FBN1: variants seen among roughly 807,000 people sequenced by gnomAD.
FBN1 encodes fibrillin 1, also known as fibrillin-1.
A neutral mutation model predicts 365.1 loss-of-function variants in FBN1; 29 were observed. The observed-to-expected ratio is 0.08, with a 90% CI of 0.06 to 0.11. The LOEUF is 0.11. FBN1 is among the 10% of genes least tolerant of loss of function. FBN1 has a pLI of 1.00. For missense variants in FBN1, 2,476 were observed against 3,703.2 expected, an observed-to-expected ratio of 0.67 and a Z score of 8.60; for synonymous variants, 1,210 against 1,270.5, an observed-to-expected ratio of 0.95 and a Z score of 1.01.
chr15:48,412,207 T>C (rs2042869128), intron 65 of FBN1, among the ~76,000 whole-genome samples: 1 of 152,228 alleles, frequency 6.6e-6, no homozygotes, highest in Admixed American at 6.5e-5. Flanking sequence ...CCTCTAGCTT[T>C]CAGAACTTGG....
chr15:48,513,531 C>T lies in FBN1; in HGVS notation c.1588+18G>A. The T allele has an allele frequency of 6.2e-7, 1 of 1,613,904 alleles. No homozygotes were observed. The highest frequency in any genetic ancestry group is 8.5e-7 in the Non-Finnish European group (1 of 1,179,846). Reference sequence around the variant, plus strand: ...AGCATATATGTCCCACATTCCACGTCAGGAGCCAGGACCATACCTCGGCAT... The same window carrying T: ...AGCATATATGTCCCACATTCCACGTTAGGAGCCAGGACCATACCTCGGCAT... On this transcript the variant is annotated intron_variant, in intron 13 of 65. Transcript: ENST00000316623.
intron 4 of FBN1, among the ~76,000 whole-genome samples, chr15:48,600,485 C>A (rs948355572): frequency 2.0e-5 from 3 of 152,202 alleles, no homozygotes; most frequent in African/African-American, 7.2e-5. Context: ...AGGCGGATCA[C>A]CTGAGGTCAG....
At chr15:48,599,991 T>A in intron 5 of FBN1, 148 bp downstream of exon 5, 1 of 656,946 alleles carries the variant, frequency 1.5e-6, no homozygotes, top group Non-Finnish European at 2.7e-6. Flanking sequence ...TTTGAGTAAG[T>A]GATTTGTTCA....
intron 2 of FBN1, among the ~76,000 whole-genome samples, chr15:48,631,205 C>A (rs1011116035): frequency 6.6e-6 from 1 of 151,970 alleles, no homozygotes. Flanking sequence ...TTTTCAATTT[C>A]TCAAGAGAAA....
rs548526744 is a variant in FBN1 at position 48,596,894 on chromosome 15, C to T, written c.443-516G>A. Among the ~76,000 whole-genome samples, 15 of 152,302 alleles carry T rather than the reference C, an allele frequency of 9.8e-5. No homozygotes were observed. The South Asian group carries it at 1.9e-3, about 19-fold the overall frequency. On this transcript the variant is annotated intron_variant, in intron 5 of 65. Transcript: ENST00000316623. ...CAATTGAGAGTTATAACAGAACTTA[C>T]GGAAACTATTGGTGCAGTAAATCTA...
intron 8 of FBN1, among the ~76,000 whole-genome samples, chr15:48,528,527 T>A (rs1350040859): frequency 1.3e-5 from 2 of 152,110 alleles, no homozygotes; most frequent in Admixed American, 1.3e-4. Flanking sequence ...AAAACTGACA[T>A]GAATCAAACC....
chr15:48,487,553 G>C (rs1478395233), intron 27 of FBN1, 116 bp from the exon 28 acceptor site: 1 of 1,414,970 alleles, frequency 7.1e-7, no homozygotes, highest in East Asian at 2.3e-5. Context: ...CTCAAGGTGG[G>C]ACAACTCTCT....
chr15:48,436,905 T>C (rs533695610), intron 53 of FBN1, 56 bp downstream of exon 53: 18 of 1,089,726 alleles, frequency 1.7e-5, no homozygotes, highest in African/African-American at 6.2e-5. Flanking sequence ...CAGTGAATAC[T>C]GTATAGCTTA....
At chr15:48,449,461 G>A (rs1043063630) in intron 45 of FBN1, among the ~76,000 whole-genome samples, 2 of 152,134 alleles carry the variant, frequency 1.3e-5, no homozygotes, top group African/African-American at 4.8e-5. Context: ...TTTAGCATGT[G>A]ACAACCTGAA....
Position 48,412,671 on chromosome 15 carries a change from A to G in FBN1, c.8124T>C (p.Asn2708=). ...CGTAACAAGCCTCTGGGGAGAGTGA[A>G]TTGTCATCCATTTCACCACTGACAG... ...EPPVSGEMDD[N]SLSPEACYEC... is the part of the protein sequence containing the mutation. Residue 2708 remains asparagine (N), a synonymous_variant, in exon 65 of 66, where the codon AAT becomes AAC. Transcript: ENST00000316623. 1 of 1,614,222 alleles carries G rather than the reference A, an allele frequency of 6.2e-7. No homozygotes were observed. The highest frequency in any genetic ancestry group is 1.1e-5 in the South Asian group (1 of 91,090).
intron 63 of FBN1, among the ~76,000 whole-genome samples, chr15:48,416,443 G>A (rs560257466): frequency 9.2e-5 from 14 of 152,028 alleles, no homozygotes; most frequent in Non-Finnish European, 1.8e-4. Context: ...TCACCGAATC[G>A]GCCCCCTCCT....
At chr15:48,621,911 TGGTGTG>T in intron 2 of FBN1, among the ~76,000 whole-genome samples, 1 of 149,826 alleles carries the variant, frequency 6.7e-6, no homozygotes, top group Non-Finnish European at 1.5e-5. Flanking sequence ...GGCAGGAGAA[TGGTGTG>T]AACCTGGGAG....
chr15:48,432,877 C>T lies in FBN1; in HGVS notation c.6728G>A (p.Arg2243Lys), dbSNP rs769589759. The change falls in exon 55 of 66, where the codon AGG (arginine) becomes AAG (lysine). Residue 2243 changes from arginine (R) to lysine (K), a missense_variant. Coordinates refer to ENST00000316623, the MANE Select transcript of FBN1 (RefSeq NM_000138.5). ...ACACGATGACTCACCTTTGCACATC[C>T]TACGGTCTTCTCTGAGCACATATCC... ...PVGYVLREDR[R>K]MCKDEDECEE... is the part of the protein sequence containing the mutation. 14 of 1,613,652 alleles carry T rather than the reference C, an allele frequency of 8.7e-6. No individual in the cohort carries two copies. In the Admixed American group the frequency reaches 2.2e-4, roughly 25 times the overall value.
intron 53 of FBN1, among the ~76,000 whole-genome samples, chr15:48,435,773 T>A (rs1269494411): frequency 6.7e-5 from 1 of 14,984 alleles, no homozygotes; most frequent in Non-Finnish European, 2.9e-4. Context: ...TATGTGTATA[T>A]GTGTGTGTGT....
chr15:48,547,682 G>T (rs1266824900), intron 6 of FBN1, among the ~76,000 whole-genome samples: 1 of 148,292 alleles, frequency 6.7e-6, no homozygotes, highest in Non-Finnish European at 1.5e-5. Context: ...TGTGCTAATA[G>T]ATATGTGGTA....
chr15:48,525,653 C>T (rs754503833), intron 9 of FBN1, among the ~76,000 whole-genome samples: 3 of 152,084 alleles, frequency 2.0e-5, no homozygotes, highest in South Asian at 2.1e-4. Flanking sequence ...GGAAAACTAC[C>T]GAGGGTTTGA....
At chr15:48,554,969 A>C (rs1018110600) in intron 6 of FBN1, among the ~76,000 whole-genome samples, 26 of 152,286 alleles carry the variant, frequency 1.7e-4, no homozygotes, top group African/African-American at 5.5e-4. Context: ...AATAGAAAAA[A>C]CCTTTATACC....
intron 44 of FBN1, 42 bp downstream of exon 44, chr15:48,456,595 T>C (rs2043239556): frequency 6.2e-7 from 1 of 1,606,168 alleles, no homozygotes; most frequent in Non-Finnish European, 8.5e-7. Flanking sequence ...AGCTCATCAG[T>C]TAGCTCTTTT....
intron 6 of FBN1, among the ~76,000 whole-genome samples, chr15:48,557,686 C>T (rs995181074): frequency 2.0e-5 from 3 of 152,082 alleles, no homozygotes; most frequent in African/African-American, 7.2e-5. Flanking sequence ...GAAGAGAAAA[C>T]GATGAGATGA....
Sources: gnomAD v4.1 joint callset for allele counts (sites outside exome capture counted in the v4.1 genomes callset) on GRCh38, gnomAD v4.1.1 for gene constraint, MANE v1.5 for transcripts, NCBI Gene and HGNC (gene_info 2026-07-23, HGNC 2026-07-21) for gene names.